The following PRDM11 variants were observed in gnomAD, a reference collection of about 807,000 sequenced individuals.
PRDM11 encodes the protein PR domain-containing protein 11.
PRDM11 carries 20 observed loss-of-function variants against 97.8 expected under a neutral mutation model. The ratio of observed to expected loss-of-function variants is 0.20; its 90% CI spans 0.14 to 0.30. The LOEUF (loss-of-function observed/expected upper bound fraction) is 0.30, where lower values mean the gene tolerates loss of function less well. Ranked by LOEUF, PRDM11 falls within the 10% of genes least tolerant of loss-of-function variation. The pLI, the probability that PRDM11 is intolerant of heterozygous loss-of-function variation, is 1.00. For synonymous variants in PRDM11, 599 were observed against 637.7 expected, an observed-to-expected ratio of 0.94 and a Z score of 0.91; for missense variants, 1,139 against 1,555.2, an observed-to-expected ratio of 0.73 and a Z score of 4.50.
intron 1 of PRDM11, among the ~76,000 whole-genome samples, chr11:45,154,609 T>C (rs892207697): frequency 1.3e-5 from 2 of 152,038 alleles, no homozygotes; most frequent in African/African-American, 4.8e-5. Flanking sequence ...GCTTGCAAAG[T>C]GAGGCACCCC....
intron 1 of PRDM11, among the ~76,000 whole-genome samples, chr11:45,119,433 C>T (rs2135623793): frequency 6.6e-6 from 1 of 152,122 alleles, no homozygotes; most frequent in Middle Eastern, 3.4e-3. Context: ...CGAGACCATT[C>T]TGGCTAACAC....
chr11:45,142,137 T>A (rs1373457039), upstream of PRDM11, among the ~76,000 whole-genome samples: 1 of 152,188 alleles, frequency 6.6e-6, no homozygotes, highest in East Asian at 1.9e-4. Flanking sequence ...GCAACCAAGG[T>A]GATCTCATGA....
intron 1 of PRDM11, among the ~76,000 whole-genome samples, chr11:45,115,856 G>C (rs1202636494): frequency 6.6e-6 from 1 of 151,600 alleles, no homozygotes; most frequent in East Asian, 1.9e-4. Context: ...CTTGAACCTG[G>C]GTGGTGGAGT....
chr11:45,165,105 T>C (rs1389240770), intron 1 of PRDM11, among the ~76,000 whole-genome samples: 3 of 152,146 alleles, frequency 2.0e-5, no homozygotes, highest in African/African-American at 7.2e-5. Flanking sequence ...GCATAGTTAG[T>C]AAGTCGTAGA....
At chr11:45,204,402 C>T (rs1368956492) in intron 4 of PRDM11, among the ~76,000 whole-genome samples, 2 of 152,232 alleles carry the variant, frequency 1.3e-5, no homozygotes, top group African/African-American at 2.4e-5. Context: ...CTGAGTATTC[C>T]ATCAAGACAG....
rs181082947 is a variant in PRDM11, at chr11:45,150,639, G to A, written c.-7+3762G>A. 2.0e-5 allele frequency among the ~76,000 whole-genome samples: 3 copies of A among 152,278 alleles called. No homozygotes were observed. In the East Asian group the frequency reaches 5.8e-4, roughly 29 times the overall value. On this transcript the variant is annotated intron_variant, in intron 1 of 7. Coordinates refer to ENST00000683152, the MANE Select transcript of PRDM11 (RefSeq NM_001384648.1). ...ATCCTTACTGGTGTCCATGGCCCAG[G>A]GGGACTGTGTGCCAGGGATGTAGCA...
chr11:45,124,476 G>A (rs1242926944), intron 1 of PRDM11, among the ~76,000 whole-genome samples: 1 of 152,060 alleles, frequency 6.6e-6, no homozygotes, highest in Non-Finnish European at 1.5e-5. Context: ...ATTGGCTGTG[G>A]GTTTGTCACA....
rs531820896 is a variant in PRDM11, at chr11:45,170,483, C to A, written c.-6-11278C>A. Among the ~76,000 whole-genome samples, 5 of 152,196 alleles carry A rather than the reference C, an allele frequency of 3.3e-5. No individual in the cohort carries two copies. In the East Asian group the frequency reaches 9.7e-4, roughly 29 times the overall value. ...GGGAGCAAGCCACATGGGTATAAGG[C>A]GGAAGAGCATCTCAGGCAGAGGGAA... On this transcript the variant is annotated intron_variant, in intron 1 of 7. Coordinates refer to ENST00000683152, the MANE Select transcript of PRDM11 (RefSeq NM_001384648.1).
intron 1 of PRDM11, among the ~76,000 whole-genome samples, chr11:45,114,787 A>G (rs1473664995): frequency 6.6e-6 from 1 of 152,174 alleles, no homozygotes; most frequent in African/African-American, 2.4e-5. Flanking sequence ...AGAAGCCAGA[A>G]CATAATGAAA....
At chr11:45,180,655 A>C (rs1852453340) in intron 1 of PRDM11, among the ~76,000 whole-genome samples, 7 of 149,422 alleles carry the variant, frequency 4.7e-5, no homozygotes, top group East Asian at 2.0e-4. Context: ...CCCGCAAGGA[A>C]TGCCGGGCCT....
chr11:45,102,689 C>T (rs1409433649), intron 1 of PRDM11, among the ~76,000 whole-genome samples: 1 of 149,330 alleles, frequency 6.7e-6, no homozygotes, highest in Non-Finnish European at 1.5e-5. Flanking sequence ...TCCAGATGAC[C>T]TGTGACACAC....
intron 1 of PRDM11, among the ~76,000 whole-genome samples, chr11:45,150,200 C>T (rs116719838): frequency 0.013 from 2,005 of 152,240 alleles, 44 homozygotes; most frequent in African/African-American, 0.045. Context: ...GATGAGGCCT[C>T]CTCATCCTTC....
intron 1 of PRDM11, among the ~76,000 whole-genome samples, chr11:45,106,820 G>A (rs1423697476): frequency 6.6e-6 from 1 of 152,212 alleles, no homozygotes; most frequent in Non-Finnish European, 1.5e-5. Context: ...GATCTAGCCT[G>A]GGAAGTTACA....
chr11:45,213,135 G>A (rs1396716848), intron 5 of PRDM11: 9 of 456,532 alleles, frequency 2.0e-5, no homozygotes, highest in Admixed American at 4.7e-5. Flanking sequence ...GAACAGGATC[G>A]ATGACCCTTG....
At chr11:45,137,355 T>C (rs1459104638) in intron 1 of PRDM11, among the ~76,000 whole-genome samples, 38 of 137,470 alleles carry the variant, frequency 2.8e-4, no homozygotes, top group South Asian at 7.2e-4. Flanking sequence ...ATTTCTTGAA[T>C]CCAGGAGGCG....
Position 45,163,828 on chromosome 11 carries a change from A to G in PRDM11, c.-7+16951A>G, listed in dbSNP as rs145327229. Among the ~76,000 whole-genome samples the G allele has an allele frequency of 4.1e-3, 623 of 152,274 alleles. 1 individual carries two copies. Among genetic ancestry groups the G allele is most frequent in the Non-Finnish European group, 6.6e-3 (451 of 68,028 alleles). ...GATTGGGATATTGAATACCTTGTCC[A>G]TTGGGACAACTGGGCTTGGAGTTGA... On this transcript the variant is annotated intron_variant, in intron 1 of 7. Coordinates refer to ENST00000683152, the MANE Select transcript of PRDM11 (RefSeq NM_001384648.1).
intron 1 of PRDM11, among the ~76,000 whole-genome samples, chr11:45,164,295 C>A (rs1485498620): frequency 1.3e-5 from 2 of 152,232 alleles, no homozygotes; most frequent in South Asian, 2.1e-4. Context: ...AAATAGAAGA[C>A]CCCGGAGACA....
At chr11:45,142,010 A>G (rs1023520738), upstream of PRDM11, among the ~76,000 whole-genome samples, 3 of 152,188 alleles carry the variant, frequency 2.0e-5, no homozygotes, top group Non-Finnish European at 2.9e-5. Context: ...GGGAAGCCAG[A>G]AAAAAAGACA....
At chr11:45,150,137 G>A (rs1851624277) in intron 1 of PRDM11, among the ~76,000 whole-genome samples, 1 of 152,084 alleles carries the variant, frequency 6.6e-6, no homozygotes, top group African/African-American at 2.4e-5. Flanking sequence ...CCTCACATGG[G>A]CCTTCCTCAT....
Sources: gnomAD v4.1 joint callset for allele counts (sites outside exome capture counted in the v4.1 genomes callset) on GRCh38, gnomAD v4.1.1 for gene constraint, MANE v1.5 for transcripts, NCBI Gene and HGNC (gene_info 2026-07-23, HGNC 2026-07-21) for gene names.